BEND7: variants seen among roughly 807,000 people sequenced by gnomAD.
BEND7 encodes the protein BEN domain containing 7.
In BEND7, 28 loss-of-function variants were observed where a neutral mutation model predicts 50.9. The observed-to-expected ratio is 0.55, with a 90% CI of 0.41 to 0.75. The LOEUF is 0.75. BEND7 is among the 30% of genes least tolerant of loss of function. The pLI is 0.00. For missense variants in BEND7, 477 were observed against 491.3 expected, an observed-to-expected ratio of 0.97 and a Z score of 0.28; for synonymous variants, 170 against 183.9, an observed-to-expected ratio of 0.92 and a Z score of 0.61.
intron 3 of BEND7, among the ~76,000 whole-genome samples, chr10:13,497,322 TTA>T (rs879665792): frequency 5.3e-5 from 8 of 152,210 alleles, no homozygotes; most frequent in Non-Finnish European, 7.3e-5. Flanking sequence ...ATATTAAAAA[TTA>T]TATGAGTTCT....
At chr10:13,513,480 T>G (rs535178247) in intron 2 of BEND7, among the ~76,000 whole-genome samples, 1 of 152,334 alleles carries the variant, frequency 6.6e-6, no homozygotes, top group African/African-American at 2.4e-5. Context: ...TCCCCTAGCC[T>G]TAGTACATGG....
chr10:13,496,259 T>C (rs1358011441), intron 4 of BEND7, among the ~76,000 whole-genome samples: 1 of 152,202 alleles, frequency 6.6e-6, no homozygotes, highest in Non-Finnish European at 1.5e-5. Context: ...ACAAATCCAC[T>C]GCTCTTCCGT....
intron 5 of BEND7, among the ~76,000 whole-genome samples, chr10:13,484,004 G>A (rs528847433): frequency 2.0e-5 from 3 of 152,306 alleles, no homozygotes; most frequent in Non-Finnish European, 4.4e-5. Flanking sequence ...TGCAGATGCT[G>A]TCACTGCTTT....
intron 2 of BEND7, among the ~76,000 whole-genome samples, chr10:13,502,285 A>C (rs7075477): frequency 0.51 from 77,445 of 151,986 alleles, 20,131 homozygotes; most frequent in Non-Finnish European, 0.55. Context: ...TACTAAAAAC[A>C]TTACAGAATA....
chr10:13,458,208 G>GA (rs1372257477), intron 6 of BEND7, among the ~76,000 whole-genome samples: 1 of 152,190 alleles, frequency 6.6e-6, no homozygotes, highest in Non-Finnish European at 1.5e-5. Flanking sequence ...TATAAATAAT[G>GA]AATCAGCTGC....
At chr10:13,440,869 T>C (rs764924783), downstream of BEND7, among the ~76,000 whole-genome samples, 5 of 152,248 alleles carry the variant, frequency 3.3e-5, no homozygotes, top group East Asian at 1.9e-4. Flanking sequence ...GCTGTAGCCA[T>C]TGATCTAACA....
chr10:13,472,556 C>T (rs559935185), intron 6 of BEND7, among the ~76,000 whole-genome samples: 2 of 150,882 alleles, frequency 1.3e-5, no homozygotes, highest in East Asian at 3.9e-4. Flanking sequence ...GACTTGGGGC[C>T]GATATCCGTC....
At chr10:13,455,800 G>C (rs552922979) in intron 6 of BEND7, among the ~76,000 whole-genome samples, 45 of 152,258 alleles carry the variant, frequency 3.0e-4, no homozygotes, top group African/African-American at 1.1e-3. Context: ...TGAGGCCTCA[G>C]TGAGCTCAGG....
At chr10:13,462,600 T>G (rs144600492) in intron 6 of BEND7, among the ~76,000 whole-genome samples, 2 of 152,112 alleles carry the variant, frequency 1.3e-5, no homozygotes, top group Admixed American at 6.5e-5. Flanking sequence ...AACAGGGAGA[T>G]AGATCTGGAG....
chr10:13,456,735 G>A (rs1366642704), intron 6 of BEND7, among the ~76,000 whole-genome samples: 1 of 152,132 alleles, frequency 6.6e-6, no homozygotes, highest in African/African-American at 2.4e-5. Context: ...ACCTACTATA[G>A]TGCATTTTTC....
chr10:13,450,449 T>C (rs1347761278), intron 7 of BEND7, among the ~76,000 whole-genome samples: 2 of 152,176 alleles, frequency 1.3e-5, no homozygotes, highest in Non-Finnish European at 2.9e-5. Flanking sequence ...TAGTTTCAAT[T>C]TGCTGGGGCC....
intron 5 of BEND7, 79 bp from the exon 6 acceptor site, chr10:13,481,203 A>G: frequency 7.7e-7 from 1 of 1,298,678 alleles, no homozygotes; most frequent in Non-Finnish European, 1.1e-6. Context: ...ACAAAAAAAC[A>G]TCACTAGCTA....
At chr10:13,503,329 A>T (rs1328370816) in intron 2 of BEND7, among the ~76,000 whole-genome samples, 3 of 152,216 alleles carry the variant, frequency 2.0e-5, no homozygotes, top group Non-Finnish European at 4.4e-5. Flanking sequence ...CAGTGCTGAA[A>T]GGAAGAGGGC....
At chr10:13,503,788 G>T (rs1467685087) in intron 2 of BEND7, among the ~76,000 whole-genome samples, 1 of 152,230 alleles carries the variant, frequency 6.6e-6, no homozygotes, top group Non-Finnish European at 1.5e-5. Flanking sequence ...AGAAGTCTGT[G>T]CTGAGAGGAG....
intron 5 of BEND7, among the ~76,000 whole-genome samples, chr10:13,487,552 A>ATT (rs1424414552): frequency 3.6e-4 from 55 of 151,830 alleles, no homozygotes; most frequent in Non-Finnish European, 5.6e-4. Context: ...ACGCCCGGCT[A>ATT]ATTTTATATT....
chr10:13,519,505 G>T (rs770297631), intron 2 of BEND7, among the ~76,000 whole-genome samples: 1 of 151,446 alleles, frequency 6.6e-6, no homozygotes, highest in Non-Finnish European at 1.5e-5. Context: ...AAAAAGAAAA[G>T]ATAACTCCTA....
intron 5 of BEND7, among the ~76,000 whole-genome samples, 165 bp from the exon 6 acceptor site, chr10:13,481,289 AAGGACTAGTTATAACTT>A (rs1252402985): frequency 6.6e-6 from 1 of 152,226 alleles, no homozygotes; most frequent in Non-Finnish European, 1.5e-5. Context: ...TTATAAAACC[AAGGACTAGTTATAACTT>A]ATGAAACAAG....
intron 6 of BEND7, among the ~76,000 whole-genome samples, chr10:13,465,794 CCCACA>C (rs2074186468): frequency 6.6e-6 from 1 of 152,038 alleles, no homozygotes; most frequent in Admixed American, 6.5e-5. Context: ...CTTTGTTATC[CCCACA>C]CTGGTGGGAC....
At chr10:13,469,563 A>G (rs1588763994) in intron 6 of BEND7, among the ~76,000 whole-genome samples, 3 of 151,808 alleles carry the variant, frequency 2.0e-5, no homozygotes, top group Non-Finnish European at 4.4e-5. Context: ...TGCAACCTCC[A>G]CCTCCCGGGT....
Sources: gnomAD v4.1 joint callset for allele counts (sites outside exome capture counted in the v4.1 genomes callset) on GRCh38, gnomAD v4.1.1 for gene constraint, MANE v1.5 for transcripts, NCBI Gene and HGNC (gene_info 2026-07-23, HGNC 2026-07-21) for gene names.